Variants in SASH1 observed in about 807,000 individuals in gnomAD.
SASH1 encodes SAM and SH3 domain containing 1, also known as SAM and SH3 domain-containing protein 1.
SASH1 carries 44 observed loss-of-function variants against 125.2 expected under a neutral mutation model. The observed-to-expected ratio is 0.35, with a 90% CI of 0.28 to 0.45. The LOEUF is 0.45. SASH1 is among the 20% of genes least tolerant of loss of function. The pLI is 1.00. For missense variants in SASH1, 1,426 were observed against 1,614.5 expected (o/e 0.88, Z 2.00); for synonymous variants, 639 against 649.1 (o/e 0.98, Z 0.24).
At chr6:148,286,206 CTT>C (rs1779478002) in intron 1 of SASH1, among the ~76,000 whole-genome samples, 1 of 151,504 alleles carries the variant, frequency 6.6e-6, no homozygotes, top group South Asian at 2.1e-4. Flanking sequence ...ACATAAAAGA[CTT>C]TGTCTCTAAA....
intron 8 of SASH1, chr6:148,513,245 T>TC (rs1780251217): frequency 1.0e-6 from 1 of 985,440 alleles, no homozygotes; most frequent in Non-Finnish European, 1.2e-6. Context: ...TTGAGGCATT[T>TC]ATCTTCCTAC....
upstream of SASH1, among the ~76,000 whole-genome samples, chr6:148,340,617 C>CA (rs371846992): frequency 0.012 from 1,789 of 152,048 alleles, 34 homozygotes; most frequent in African/African-American, 0.041. Flanking sequence ...ATAGAAATGA[C>CA]AATTAAAAAA....
intron 1 of SASH1, among the ~76,000 whole-genome samples, chr6:148,309,096 A>G (rs1448229839): frequency 6.6e-6 from 1 of 151,016 alleles, no homozygotes; most frequent in African/African-American, 2.4e-5. Flanking sequence ...AAAAAAAAAA[A>G]AAAAAAAGAT....
At chr6:148,412,500 T>C (rs1784668786) in intron 2 of SASH1, among the ~76,000 whole-genome samples, 1 of 152,234 alleles carries the variant, frequency 6.6e-6, no homozygotes, top group Non-Finnish European at 1.5e-5. Context: ...GTTATGTCAG[T>C]TTGCAATGAG....
chr6:148,548,143 G>T, intron 19 of SASH1, 152 bp from the exon 20 acceptor site: 5 of 677,492 alleles, frequency 7.4e-6, no homozygotes, highest in Non-Finnish European at 9.5e-6. Flanking sequence ...AATTTTTCCT[G>T]CTAGTCTTGA....
intron 4 of SASH1, 140 bp downstream of exon 4, chr6:148,440,547 A>G (rs2115004102): frequency 1.4e-6 from 1 of 696,056 alleles, no homozygotes; most frequent in Non-Finnish European, 2.5e-6. Context: ...TGTTGCATGC[A>G]TGTGTGTGTA....
the SASH1 span, among the ~76,000 whole-genome samples, chr6:148,247,607 T>C: frequency 3.0e-4 from 46 of 152,194 alleles, 1 homozygote; most frequent in Admixed American, 2.9e-3. Flanking sequence ...AATGCAGTTG[T>C]GGTCATATCC....
chr6:148,402,478 T>G (rs1190705840), intron 2 of SASH1, among the ~76,000 whole-genome samples: 1 of 151,804 alleles, frequency 6.6e-6, no homozygotes, highest in East Asian at 1.9e-4. Flanking sequence ...CCGGACTTTT[T>G]TTGTATTTTT....
Position 148,469,749 on chromosome 6 carries a change from C to T in SASH1, c.427+1164C>T, listed in dbSNP as rs151332075. ...TCTCTTAAAAAGAAAATAAATAGGC[C>T]GGACGTGGTGGCTCACATCTGTAAT... On this transcript the variant is annotated intron_variant, in intron 5 of 19. Coordinates refer to ENST00000367467, the MANE Select transcript of SASH1 (RefSeq NM_015278.5). Among the ~76,000 whole-genome samples the T allele has an allele frequency of 8.8e-3, 1,340 of 151,784 alleles. 67 individuals carry two copies. Among genetic ancestry groups the T allele is most frequent in the Admixed American group, 0.079 (1,197 of 15,248 alleles).
chr6:148,409,492 C>T (rs1230066808), intron 2 of SASH1, among the ~76,000 whole-genome samples: 3 of 152,326 alleles, frequency 2.0e-5, no homozygotes, highest in Admixed American at 6.5e-5. Context: ...CTACCAGTAC[C>T]ACCTCAGGGC....
At chr6:148,468,621 A>T in intron 5 of SASH1, 36 bp downstream of exon 5, 1 of 1,368,334 alleles carries the variant, frequency 7.3e-7, no homozygotes, top group Non-Finnish European at 1.0e-6. Flanking sequence ...CTATTTAATT[A>T]TTTCAATACT....
chr6:148,519,427 T>C lies in SASH1; in HGVS notation c.863-120T>C, dbSNP rs1304851850. On this transcript the variant is annotated intron_variant, in intron 9 of 19. Transcript: ENST00000367467. This position sits in a 1 kb window ranked among gnomAD's most constrained non-coding sequence, Gnocchi z 4.8. The stretch of plus-strand genomic sequence containing the variant: ...GTATTTTCATTTTTCTGTACATATG[T>C]AAGTGGGAGCTGGGTTTATAAAGAG... 4 of 683,818 alleles carry C rather than the reference T, an allele frequency of 5.8e-6. No homozygotes were observed. The East Asian group carries it at 1.1e-4, about 18-fold the overall frequency. 42.4% of individuals were successfully genotyped at this position (683,818 alleles called of 1,614,324 possible). A position where few individuals can be genotyped will look rare whatever the true frequency, so the allele number is the denominator to read the frequency against.
chr6:148,286,331 G>A (rs9399643), intron 1 of SASH1, among the ~76,000 whole-genome samples: 33,971 of 151,676 alleles, frequency 0.22, 3,915 homozygotes, highest in African/African-American at 0.24. Context: ...AACCTGGGAG[G>A]CGGAGGTTGC....
At chr6:148,528,510 A>G (rs1275973469) in intron 12 of SASH1, among the ~76,000 whole-genome samples, 1 of 152,194 alleles carries the variant, frequency 6.6e-6, no homozygotes, top group Non-Finnish European at 1.5e-5. Flanking sequence ...GAATGACCGA[A>G]CGTCACCAGC....
chr6:148,348,740 C>T (rs932804140), intron 1 of SASH1, among the ~76,000 whole-genome samples: 2 of 152,212 alleles, frequency 1.3e-5, no homozygotes, highest in Admixed American at 1.3e-4. Flanking sequence ...ATAGTTCATT[C>T]TTTCACACAT....
chr6:148,523,398 C>A lies in SASH1; in HGVS notation c.1210-1893C>A, dbSNP rs570934842. Among the ~76,000 whole-genome samples the A allele has an allele frequency of 2.6e-5, 4 of 152,174 alleles. No homozygotes were observed. The South Asian group carries it at 8.3e-4, about 32-fold the overall frequency. On this transcript the variant is annotated intron_variant, in intron 10 of 19. Coordinates refer to ENST00000367467, the MANE Select transcript of SASH1 (RefSeq NM_015278.5). The stretch of plus-strand genomic sequence containing the variant: ...GAGAGGTGGTCATAACATTGCTTAC[C>A]CAGTTAGGTGATTTGGTGAATATAT...
chr6:148,255,784 A>G, the SASH1 span, among the ~76,000 whole-genome samples: 1 of 152,118 alleles, frequency 6.6e-6, no homozygotes, highest in South Asian at 2.1e-4. Flanking sequence ...CTGGGACTAC[A>G]GGTGTGTGCC....
intron 2 of SASH1, among the ~76,000 whole-genome samples, chr6:148,420,030 A>C (rs1022911143): frequency 5.3e-4 from 80 of 152,212 alleles, no homozygotes; most frequent in African/African-American, 1.8e-3. Context: ...TTATTAATAT[A>C]ATACAGTAAA....
At chr6:148,400,611 C>T (rs927110907) in intron 2 of SASH1, among the ~76,000 whole-genome samples, 3 of 152,042 alleles carry the variant, frequency 2.0e-5, no homozygotes, top group Non-Finnish European at 4.4e-5. Context: ...ATAAACAGGG[C>T]GTGGTGGCAC....
Sources: gnomAD v4.1 joint callset for allele counts (sites outside exome capture counted in the v4.1 genomes callset) on GRCh38, gnomAD v4.1.1 for gene constraint, Gnocchi (gnomAD v3.1) non-coding constraint, MANE v1.5 for transcripts, NCBI Gene and HGNC (gene_info 2026-07-23, HGNC 2026-07-21) for gene names.